Variants in ZUP1 observed in about 807,000 individuals in gnomAD.
The protein encoded by ZUP1 is zinc finger-containing ubiquitin peptidase 1.
A neutral mutation model predicts 68.1 loss-of-function variants in ZUP1; 55 were observed. That is an observed-to-expected ratio of 0.81 (90% confidence interval 0.65 to 1.01). The LOEUF is 1.01. Ranked by LOEUF, ZUP1 falls within the 50% of genes least tolerant of loss-of-function variation. The pLI, the probability that ZUP1 is intolerant of heterozygous loss-of-function variation, is 0.00. For missense variants in ZUP1, 684 were observed against 674.9 expected, an observed-to-expected ratio of 1.01 and a Z score of -0.15; for synonymous variants, 223 against 221.5, an observed-to-expected ratio of 1.01 and a Z score of -0.06.
intron 9 of ZUP1, among the ~76,000 whole-genome samples, chr6:116,643,209 C>T (rs1776179378): frequency 1.3e-5 from 2 of 152,148 alleles, no homozygotes; most frequent in African/African-American, 4.8e-5. Context: ...AATGGAAGAA[C>T]ATTCTATGCT....
intron 2 of ZUP1, among the ~76,000 whole-genome samples, chr6:116,664,230 A>G (rs1321390936): frequency 6.6e-6 from 1 of 152,242 alleles, no homozygotes; most frequent in Non-Finnish European, 1.5e-5. Flanking sequence ...TAGGAGTTCC[A>G]GACCAGCCTG....
Position 116,651,742 on chromosome 6 carries a change from A to T in ZUP1, c.1151-5T>A. ...GAATGCAAGGAATCAACATACCTAA[A>T]ATTACACAAGCAAACATGTTACATG... is the stretch of plus-strand genomic sequence containing the variant. On this transcript the variant is annotated splice_polypyrimidine_tract_variant and splice_region_variant and intron_variant, in intron 6 of 9. Coordinates refer to ENST00000368576, the MANE Select transcript of ZUP1 (RefSeq NM_145062.3). 1 of 1,613,036 alleles carries T rather than the reference A, an allele frequency of 6.2e-7. No homozygotes were observed. Among genetic ancestry groups the T allele is most frequent in the Non-Finnish European group, 8.5e-7 (1 of 1,179,632 alleles).
intron 9 of ZUP1, among the ~76,000 whole-genome samples, chr6:116,638,849 G>A (rs890498167): frequency 6.6e-6 from 1 of 152,182 alleles, no homozygotes; most frequent in African/African-American, 2.4e-5. Flanking sequence ...GACAGTGGGT[G>A]CAGCGCACCA....
chr6:116,645,357 G>A (rs1160298492), intron 9 of ZUP1, among the ~76,000 whole-genome samples: 2 of 152,176 alleles, frequency 1.3e-5, no homozygotes, highest in African/African-American at 2.4e-5. Context: ...GAGGTGGGCA[G>A]ATCGCTTGAG....
chr6:116,645,890 T>G lies in ZUP1; in HGVS notation c.1513A>C (p.Thr505Pro). 6.2e-7 allele frequency: 1 copy of G among 1,613,746 alleles called. No homozygotes were observed. Among genetic ancestry groups the G allele is most frequent in the East Asian group, 2.2e-5 (1 of 44,792 alleles). Residue 505 changes from threonine (T) to proline (P), a missense_variant, in exon 9 of 10, where the codon ACA (threonine) becomes CCA (proline). By Grantham distance (38) the Thr-to-Pro change is conservative. Coordinates refer to ENST00000368576, the MANE Select transcript of ZUP1 (RefSeq NM_145062.3). ...VIGIEEKKNR[T>P]LCLLILDPGC... ...GGATCAAGTATTAGTAAGCATAATG[T>G]TCGGTTTTTTTTCTCTTCAATTCCA...
At chr6:116,656,366 G>A (rs1018133195) in intron 5 of ZUP1, among the ~76,000 whole-genome samples, 4 of 152,062 alleles carry the variant, frequency 2.6e-5, no homozygotes, top group African/African-American at 9.7e-5. Flanking sequence ...TTACAGGCAT[G>A]AGCCACCGCG....
intron 9 of ZUP1, 62 bp downstream of exon 9, chr6:116,645,652 A>T: frequency 7.7e-7 from 1 of 1,291,578 alleles, no homozygotes; most frequent in Non-Finnish European, 1.1e-6. Flanking sequence ...TTTTAAACTA[A>T]AAGTTTTAAA....
chr6:116,644,798 C>A (rs1164822947), intron 9 of ZUP1, among the ~76,000 whole-genome samples: 2 of 150,842 alleles, frequency 1.3e-5, no homozygotes, highest in Non-Finnish European at 2.9e-5. Flanking sequence ...ATGTAACTAA[C>A]CTGCACATTG....
chr6:116,666,086 T>C lies in ZUP1; in HGVS notation c.559+548A>G, dbSNP rs116964889. Among the ~76,000 whole-genome samples the C allele has an allele frequency of 7.9e-3, 1,207 of 152,228 alleles. 7 individuals are homozygous for C. The highest frequency in any genetic ancestry group is 0.012 in the Non-Finnish European group (834 of 68,008). ...ATAGAACTACTAGACAGTACTACTA[T>C]AGAAAACAAGCAAGGATATAAATAA... On this transcript the variant is annotated intron_variant, in intron 2 of 9. Coordinates refer to ENST00000368576, the MANE Select transcript of ZUP1 (RefSeq NM_145062.3).
chr6:116,643,835 A>T (rs1275917430), intron 9 of ZUP1, among the ~76,000 whole-genome samples: 4 of 152,202 alleles, frequency 2.6e-5, no homozygotes, highest in Non-Finnish European at 4.4e-5. Flanking sequence ...AAAATTGACA[A>T]ATGGGATCTA....
chr6:116,661,476 C>A (rs1264017215), intron 2 of ZUP1, among the ~76,000 whole-genome samples: 1 of 152,124 alleles, frequency 6.6e-6, no homozygotes. Context: ...ATTCTCAGCA[C>A]CCAACAGAGT....
chr6:116,638,983 C>T (rs1206144708), intron 9 of ZUP1, among the ~76,000 whole-genome samples: 14 of 152,222 alleles, frequency 9.2e-5, no homozygotes, highest in Admixed American at 1.3e-4. Flanking sequence ...CACTCCCACC[C>T]GAATACTGCG....
chr6:116,664,719 A>G (rs1776947701), intron 2 of ZUP1, among the ~76,000 whole-genome samples: 1 of 152,178 alleles, frequency 6.6e-6, no homozygotes, highest in African/African-American at 2.4e-5. Context: ...ATAGATAAAT[A>G]CAGCAGAAGT....
At chr6:116,666,324 A>G (rs1445037367) in intron 2 of ZUP1, among the ~76,000 whole-genome samples, 1 of 152,222 alleles carries the variant, frequency 6.6e-6, no homozygotes, top group Non-Finnish European at 1.5e-5. Flanking sequence ...ATAGAACTCA[A>G]TGCAAAGTCA....
chr6:116,649,955 G>A (rs1156549519), intron 7 of ZUP1, among the ~76,000 whole-genome samples: 3 of 152,002 alleles, frequency 2.0e-5, no homozygotes, highest in Admixed American at 2.0e-4. Context: ...GCAATAGAAA[G>A]AAAACATTGG....
At chr6:116,651,896 T>G in intron 6 of ZUP1, 108 bp downstream of exon 6, 1 of 1,408,862 alleles carries the variant, frequency 7.1e-7, no homozygotes, top group Non-Finnish European at 9.6e-7. Flanking sequence ...TCAGGTTTCT[T>G]ATATAAATAT....
intron 2 of ZUP1, among the ~76,000 whole-genome samples, chr6:116,664,904 AC>A (rs1776953612): frequency 1.3e-5 from 2 of 151,998 alleles, no homozygotes; most frequent in South Asian, 4.1e-4. Context: ...ACACACACAC[AC>A]AATCCAGAAA....
chr6:116,662,076 T>A (rs1468595715), intron 2 of ZUP1, among the ~76,000 whole-genome samples: 2 of 152,210 alleles, frequency 1.3e-5, no homozygotes, highest in Non-Finnish European at 2.9e-5. Context: ...ATGTAATCAT[T>A]GGAATAAAAA....
chr6:116,651,969 C>A, intron 6 of ZUP1, 35 bp downstream of exon 6: 1 of 1,595,746 alleles, frequency 6.3e-7, no homozygotes, highest in South Asian at 1.1e-5. Flanking sequence ...TGTATTTTAT[C>A]AGATGACAAG....
Sources: allele counts gnomAD v4.1 joint callset (sites outside exome capture counted in the v4.1 genomes callset), GRCh38; gene constraint gnomAD v4.1.1; transcripts MANE v1.5; gene names NCBI Gene and HGNC (gene_info 2026-07-23, HGNC 2026-07-21).